ITPR1: variants seen among roughly 807,000 people sequenced by gnomAD.
ITPR1 encodes the protein inositol 1,4,5-trisphosphate receptor type 1.
In ITPR1, 96 loss-of-function variants were observed where a neutral mutation model predicts 318.4. The observed-to-expected ratio is 0.30, with a 90% CI of 0.26 to 0.36. ITPR1 has a LOEUF of 0.36. ITPR1 is among the 10% of genes least tolerant of loss of function. ITPR1 has a pLI of 1.00. For missense variants in ITPR1, 2,440 were observed against 3,460.2 expected (o/e 0.71, Z 7.40); for synonymous variants, 1,312 against 1,289.9 (o/e 1.02, Z -0.37).
rs780720800 is a variant in ITPR1 at position 4,662,151 on chromosome 3, C to T, written c.1321C>T (p.Arg441Trp). 4.3e-6 allele frequency: 7 copies of T among 1,613,674 alleles called. No individual in the cohort carries two copies. The highest frequency in any genetic ancestry group is 2.2e-5 in the South Asian group (2 of 91,050). ...AGTTCCGGTTTCTCCTGCTGAAGTTCGGGACCTGGACTTTGCCAATGATGC... is the reference window on the plus strand; with the variant it reads ...AGTTCCGGTTTCTCCTGCTGAAGTTTGGGACCTGGACTTTGCCAATGATGC... ...AIVPVSPAEV[R>W]DLDFANDASK... Residue 441 changes from arginine (R) to tryptophan (W), a missense_variant, in exon 15 of 62, where the codon CGG becomes TGG. Arg to Trp is a moderately radical substitution (Grantham distance 101). Transcript: ENST00000649015.
chr3:4,634,617 C>CA (rs1241740442), intron 5 of ITPR1, among the ~76,000 whole-genome samples: 5 of 151,972 alleles, frequency 3.3e-5, no homozygotes, highest in African/African-American at 1.2e-4. Flanking sequence ...GTAGGAAAAG[C>CA]AAAAAAATAT....
intron 12 of ITPR1, among the ~76,000 whole-genome samples, chr3:4,656,896 C>T (rs986206530): frequency 2.6e-5 from 4 of 152,148 alleles, no homozygotes; most frequent in South Asian, 2.1e-4. Flanking sequence ...GTAGAGTTGC[C>T]GGGCTGAGCG....
In ITPR1 at chr3:4,846,221, C is replaced by T. The variant is rs2051768380; in HGVS notation, c.8273C>T (p.Ala2758Val). ...ATGAATGTCAACCCACAACAACCAGCATAAGCAAATGAAAGAAAGGAATTG... is the reference window on the plus strand; with the variant it reads ...ATGAATGTCAACCCACAACAACCAGTATAAGCAAATGAAAGAAAGGAATTG... Reference protein sequence around the residue: ...PHMNVNPQQPA With the variant: ...PHMNVNPQQPV Residue 2758 changes from alanine to valine, a missense_variant, in exon 62 of 62, where the codon GCA becomes GTA. Physicochemically the swap from Ala to Val is moderately conservative, Grantham distance 64. Transcript: ENST00000649015. 1.3e-6 allele frequency: 2 copies of T among 1,550,660 alleles called. No individual in the cohort carries two copies. Among genetic ancestry groups the T allele is most frequent in the Non-Finnish European group, 1.8e-6 (2 of 1,142,354 alleles).
At chr3:4,772,412 GTCACCAAGTC>G (rs1374185480) in intron 46 of ITPR1, among the ~76,000 whole-genome samples, 1 of 152,258 alleles carries the variant, frequency 6.6e-6, no homozygotes, top group African/African-American at 2.4e-5. Flanking sequence ...AAGAGATAAA[GTCACCAAGTC>G]TCACTTTGCC....
chr3:4,683,911 C>G (rs771026575), intron 28 of ITPR1, 113 bp downstream of exon 28: 55 of 1,000,586 alleles, frequency 5.5e-5, no homozygotes, highest in Non-Finnish European at 6.8e-5. Flanking sequence ...TTCAAGAGAT[C>G]TGCTTGTTAA....
rs181281473 is a variant in ITPR1, at chr3:4,572,851, T to C, written c.163+51757T>C. 6.9e-4 allele frequency among the ~76,000 whole-genome samples: 105 copies of C among 152,370 alleles called. 1 individual carries two copies. The Middle Eastern group carries it at 0.017, about 25-fold the overall frequency. On this transcript the variant is annotated intron_variant, in intron 4 of 61. Coordinates refer to ENST00000649015, the MANE Select transcript of ITPR1 (RefSeq NM_001378452.1). ...CTGGAGTCATATTGTATTTGTGTTT[T>C]TGTGACTGGCTTATTTCCCATAGCA...
At chr3:4,702,150 C>G (rs2094669009) in intron 35 of ITPR1, among the ~76,000 whole-genome samples, 2 of 152,168 alleles carry the variant, frequency 1.3e-5, no homozygotes, top group Non-Finnish European at 2.9e-5. Flanking sequence ...CAAATTGATT[C>G]AGTGGATGTT....
intron 4 of ITPR1, among the ~76,000 whole-genome samples, chr3:4,536,390 C>T (rs142063639): frequency 6.6e-6 from 1 of 152,154 alleles, no homozygotes; most frequent in Non-Finnish European, 1.5e-5. Context: ...TACCATTTTG[C>T]ATGTTTCTGT....
At chr3:4,623,797 C>G (rs2125121879) in intron 4 of ITPR1, among the ~76,000 whole-genome samples, 1 of 152,310 alleles carries the variant, frequency 6.6e-6, no homozygotes, top group East Asian at 1.9e-4. Flanking sequence ...ATCAGCAAGG[C>G]TAATTTCGTT....
At chr3:4,615,050 G>T (rs1270319883) in intron 4 of ITPR1, among the ~76,000 whole-genome samples, 2 of 152,192 alleles carry the variant, frequency 1.3e-5, no homozygotes, top group African/African-American at 4.8e-5. Flanking sequence ...CTTGGAATGG[G>T]GCCCAGGCAC....
At chr3:4,509,123 G>C (rs1008309865) in intron 2 of ITPR1, among the ~76,000 whole-genome samples, 1 of 152,128 alleles carries the variant, frequency 6.6e-6, no homozygotes, top group Non-Finnish European at 1.5e-5. Context: ...GGATTATTTG[G>C]TTTACTCCTC....
intron 2 of ITPR1, among the ~76,000 whole-genome samples, chr3:4,507,302 C>T (rs2081462954): frequency 6.6e-6 from 1 of 152,032 alleles, no homozygotes. Context: ...ATAGTTTTGA[C>T]CTTGAAGTTT....
intron 16 of ITPR1, 95 bp downstream of exon 16, chr3:4,663,301 C>T: frequency 1.7e-6 from 2 of 1,194,876 alleles, no homozygotes; most frequent in South Asian, 3.4e-5. Context: ...CTTTGGGAAG[C>T]CGAGGTGGGA....
rs376766137 is a variant in ITPR1 at position 4,712,792 on chromosome 3, C to G, written c.5103+924C>G. 9.2e-5 allele frequency among the ~76,000 whole-genome samples: 14 copies of G among 152,318 alleles called. No individual in the cohort carries two copies. In the East Asian group the frequency reaches 9.6e-4, roughly 10 times the overall value. On this transcript the variant is annotated intron_variant, in intron 39 of 61. Coordinates refer to ENST00000649015, the MANE Select transcript of ITPR1 (RefSeq NM_001378452.1). ...TTAGAGCAATGTTACTAGTGAGACTCCTTGGATAAGAAAACAGAAAACGGA... is the reference window on the plus strand; with the variant it reads ...TTAGAGCAATGTTACTAGTGAGACTGCTTGGATAAGAAAACAGAAAACGGA...
chr3:4,705,201 A>G (rs1313964410), intron 36 of ITPR1, among the ~76,000 whole-genome samples: 2 of 152,194 alleles, frequency 1.3e-5, no homozygotes, highest in Non-Finnish European at 2.9e-5. Flanking sequence ...TATGGAAAAG[A>G]GTGATTATTA....
chr3:4,694,863 T>A (rs751036146), intron 33 of ITPR1, among the ~76,000 whole-genome samples: 24 of 152,224 alleles, frequency 1.6e-4, no homozygotes, highest in Non-Finnish European at 3.1e-4. Context: ...AAAAGTCTTA[T>A]AATCTGTTTT....
At chr3:4,714,205 A>G (rs371111264) in intron 39 of ITPR1, among the ~76,000 whole-genome samples, 31 of 152,324 alleles carry the variant, frequency 2.0e-4, no homozygotes, top group African/African-American at 7.2e-4. Context: ...GGGCAGAAAT[A>G]ACCCGGAGCC....
chr3:4,624,899 A>G (rs1453240829), intron 4 of ITPR1, among the ~76,000 whole-genome samples: 1 of 152,164 alleles, frequency 6.6e-6, no homozygotes, highest in Non-Finnish European at 1.5e-5. Flanking sequence ...TTAAGCTGGT[A>G]GGAAAACTGC....
intron 18 of ITPR1, 105 bp from the exon 19 acceptor site, chr3:4,669,549 C>T (rs2094027115): frequency 9.1e-7 from 1 of 1,101,686 alleles, no homozygotes; most frequent in South Asian, 1.7e-5. Flanking sequence ...GCTGACATGT[C>T]TTGGTAAAGG....
Sources: allele counts gnomAD v4.1 joint callset (sites outside exome capture counted in the v4.1 genomes callset), GRCh38; gene constraint gnomAD v4.1.1; transcripts MANE v1.5; gene names NCBI Gene and HGNC (gene_info 2026-07-23, HGNC 2026-07-21).